The following SPON1 variants were observed in gnomAD, a reference collection of about 807,000 sequenced individuals.
SPON1 encodes spondin 1.
Under a neutral mutation model 111.7 loss-of-function variants are expected in SPON1, and 52 were observed. The ratio of observed to expected loss-of-function variants is 0.47; its 90% confidence interval spans 0.37 to 0.59. SPON1 has a LOEUF of 0.59. Among genes scored for constraint, SPON1 ranks in the 20% least tolerant of loss-of-function variants. SPON1 has a pLI of 0.00. For synonymous variants in SPON1, 410 were observed against 395.8 expected (o/e 1.04, Z -0.43); for missense variants, 957 against 1,068.5 (o/e 0.90, Z 1.46).
At chr11:14,253,330 C>T (rs1408225537) in intron 7 of SPON1, among the ~76,000 whole-genome samples, 2 of 152,226 alleles carry the variant, frequency 1.3e-5, no homozygotes, top group African/African-American at 4.8e-5. Flanking sequence ...TAGGGCCAGG[C>T]AATGGGCTAA....
chr11:14,135,959 G>A lies in SPON1; in HGVS notation c.825+391G>A, dbSNP rs369932143. On this transcript the variant is annotated intron_variant, in intron 6 of 15. Coordinates refer to ENST00000576479, the MANE Select transcript of SPON1 (RefSeq NM_006108.4). The surrounding 1 kb of genome is among the most constrained non-coding windows in gnomAD (Gnocchi z 4.4). The stretch of plus-strand genomic sequence containing the variant: ...AAAATAAATGTTTGAGTATTGGCAC[G>A]TGCTTTTTGCAACTATGTCTTGAGG... Among the ~76,000 whole-genome samples the A allele has an allele frequency of 5.9e-5, 9 of 152,158 alleles. No homozygotes were observed. Among genetic ancestry groups the A allele is most frequent in the African/African-American group, 1.2e-4 (5 of 41,428 alleles).
chr11:13,986,234 CAGAA>C (rs1228288724), intron 2 of SPON1, among the ~76,000 whole-genome samples: 3 of 152,048 alleles, frequency 2.0e-5, no homozygotes, highest in African/African-American at 7.2e-5. Context: ...AGCCAACAAT[CAGAA>C]AGAACAAATG....
chr11:14,193,371 C>A (rs782609771), intron 6 of SPON1, among the ~76,000 whole-genome samples: 1 of 152,112 alleles, frequency 6.6e-6, no homozygotes, highest in Admixed American at 6.5e-5. Context: ...TTGAAGGTAC[C>A]CCATGCCGAA....
chr11:14,112,601 A>T (rs772934198), intron 5 of SPON1, among the ~76,000 whole-genome samples: 36 of 152,250 alleles, frequency 2.4e-4, no homozygotes, highest in Admixed American at 5.2e-4. Context: ...TCAGTGTTAT[A>T]TACTTGGCAG....
intron 2 of SPON1, among the ~76,000 whole-genome samples, chr11:14,012,537 A>AT (rs1554913841): frequency 2.6e-5 from 4 of 152,194 alleles, no homozygotes; most frequent in Non-Finnish European, 4.4e-5. Context: ...TTTTCTCCAT[A>AT]AATGCATCAT....
chr11:14,216,399 G>T (rs1021402286), intron 6 of SPON1, among the ~76,000 whole-genome samples: 5 of 152,228 alleles, frequency 3.3e-5, no homozygotes, highest in African/African-American at 1.2e-4. Flanking sequence ...CCCCCATGAG[G>T]AGTAGCTGCC....
chr11:14,094,485 A>G (rs1554923692), intron 5 of SPON1, among the ~76,000 whole-genome samples: 1 of 152,084 alleles, frequency 6.6e-6, no homozygotes, highest in African/African-American at 2.4e-5. Context: ...TTTATTTAGT[A>G]ATAATTTATT....
intron 6 of SPON1, among the ~76,000 whole-genome samples, chr11:14,152,121 G>A (rs1847795125): frequency 1.3e-5 from 2 of 152,074 alleles, no homozygotes; most frequent in African/African-American, 4.8e-5. Context: ...GTGTAGTCTG[G>A]AATCACCCCT....
chr11:14,084,390 C>A (rs1848989140), intron 5 of SPON1, among the ~76,000 whole-genome samples: 1 of 152,174 alleles, frequency 6.6e-6, no homozygotes, highest in Non-Finnish European at 1.5e-5. Flanking sequence ...CGAGTGAGAA[C>A]ATGCTGTGTT....
intron 5 of SPON1, among the ~76,000 whole-genome samples, chr11:14,087,688 C>T (rs1554922829): frequency 2.0e-5 from 3 of 152,026 alleles, no homozygotes; most frequent in Non-Finnish European, 4.4e-5. Flanking sequence ...ATTAAAGTCC[C>T]GAATATCCTT....
intron 1 of SPON1, among the ~76,000 whole-genome samples, chr11:13,967,376 C>G (rs782703469): frequency 2.6e-5 from 4 of 151,988 alleles, no homozygotes; most frequent in Non-Finnish European, 4.4e-5. Context: ...GTGATAAATC[C>G]TTATTCACAT....
At chr11:14,197,476 AG>A in intron 6 of SPON1, among the ~76,000 whole-genome samples, 1 of 142,718 alleles carries the variant, frequency 7.0e-6, no homozygotes, top group East Asian at 2.0e-4. Flanking sequence ...GAAGGAGGAA[AG>A]GTCCTCTTTA....
At chr11:14,129,815 G>A (rs1242007795) in intron 5 of SPON1, among the ~76,000 whole-genome samples, 1 of 152,172 alleles carries the variant, frequency 6.6e-6, no homozygotes, top group Admixed American at 6.5e-5. Flanking sequence ...GAGGCCTCAG[G>A]AAACTTACAA....
At chr11:14,011,507 T>C (rs1404833301) in intron 2 of SPON1, among the ~76,000 whole-genome samples, 1 of 151,542 alleles carries the variant, frequency 6.6e-6, no homozygotes, top group African/African-American at 2.4e-5. Context: ...TTCAGTCCAC[T>C]CATGAGTGGA....
At chr11:14,123,816 A>G (rs1847424598) in intron 5 of SPON1, among the ~76,000 whole-genome samples, 1 of 152,224 alleles carries the variant, frequency 6.6e-6, no homozygotes, top group Non-Finnish European at 1.5e-5. Context: ...CACAAACAAG[A>G]AAGTGTCTGT....
At chr11:14,130,345 T>A (rs1045747122) in intron 5 of SPON1, among the ~76,000 whole-genome samples, 7 of 152,130 alleles carry the variant, frequency 4.6e-5, no homozygotes, top group East Asian at 3.9e-4. Flanking sequence ...CTGAGTGCCC[T>A]TGGTGGTAAA....
At chr11:14,069,269 G>A (rs541622657) in intron 3 of SPON1, among the ~76,000 whole-genome samples, 1 of 152,166 alleles carries the variant, frequency 6.6e-6, no homozygotes, top group Admixed American at 6.5e-5. Flanking sequence ...GATTAAATGA[G>A]TTAATATTTG....
intron 5 of SPON1, among the ~76,000 whole-genome samples, chr11:14,129,872 G>C (rs1564911493): frequency 6.6e-6 from 1 of 152,172 alleles, no homozygotes; most frequent in Non-Finnish European, 1.5e-5. Context: ...TCACAAGGCA[G>C]CAGGAGACAG....
At chr11:14,150,465 G>C (rs1847773442) in intron 6 of SPON1, among the ~76,000 whole-genome samples, 1 of 151,976 alleles carries the variant, frequency 6.6e-6, no homozygotes, top group Admixed American at 6.6e-5. Flanking sequence ...GATTTTGAAT[G>C]TTCTCAACGC....
Sources: allele counts gnomAD v4.1 joint callset (sites outside exome capture counted in the v4.1 genomes callset), GRCh38; gene constraint gnomAD v4.1.1; non-coding constraint Gnocchi (gnomAD v3.1); transcripts MANE v1.5; gene names NCBI Gene and HGNC (gene_info 2026-07-23, HGNC 2026-07-21).